GNS: variants seen among roughly 807,000 people sequenced by gnomAD.
The protein encoded by GNS is glucosamine (N-acetyl)-6-sulfatase.
Under a neutral mutation model 69.7 loss-of-function variants are expected in GNS, and 40 were observed. The ratio of observed to expected loss-of-function variants is 0.57; its 90% CI spans 0.45 to 0.75. The LOEUF (loss-of-function observed/expected upper bound fraction) is 0.75, where lower values mean the gene tolerates loss of function less well. GNS is among the 30% of genes least tolerant of loss of function. The probability of loss-of-function intolerance (pLI) is 0.00; values close to 1 mark genes in which losing one functional copy is unlikely to be tolerated. For missense variants in GNS, 565 were observed against 685.5 expected, an observed-to-expected ratio of 0.82 and a Z score of 1.96; for synonymous variants, 243 against 251.6, an observed-to-expected ratio of 0.97 and a Z score of 0.32.
chr12:64,725,747 A>G (rs947375904), intron 10 of GNS, among the ~76,000 whole-genome samples: 4 of 152,110 alleles, frequency 2.6e-5, no homozygotes, highest in African/African-American at 9.7e-5. Context: ...CTGTAATCCC[A>G]GCACTTTAGG....
chr12:64,731,440 A>G (rs1869386977), intron 9 of GNS, among the ~76,000 whole-genome samples: 2 of 152,106 alleles, frequency 1.3e-5, no homozygotes, highest in Non-Finnish European at 1.5e-5. Flanking sequence ...TATAAATCCA[A>G]AGTCACTAAG....
intron 2 of GNS, among the ~76,000 whole-genome samples, chr12:64,749,504 G>A (rs927617444): frequency 1.3e-5 from 2 of 152,032 alleles, no homozygotes; most frequent in African/African-American, 4.8e-5. Context: ...CACCCGCCTT[G>A]GCCTCCCAAA....
chr12:64,714,337 G>T lies in GNS; in HGVS notation c.*2404C>A, dbSNP rs549541581. ...ACATGGACCTCACCTTCTTAACATG[G>T]AAAATCAAAATCTAAATGAATACAA... is the stretch of plus-strand genomic sequence containing the variant. On this transcript the variant is annotated 3_prime_UTR_variant, in exon 14 of 14. Coordinates refer to ENST00000258145, the MANE Select transcript of GNS (RefSeq NM_002076.4). 6.6e-6 allele frequency: 1 copy of T among 152,224 alleles called. No homozygotes were observed. Among genetic ancestry groups the T allele is most frequent in the African/African-American group, 2.4e-5 (1 of 41,524 alleles). The allele number at this position is 152,224 out of a possible 1,614,324, so 9.4% of individuals were successfully genotyped here. A position where few individuals can be genotyped will look rare whatever the true frequency, so the allele number is the denominator to read the frequency against.
Position 64,716,710 on chromosome 12 carries a change from G to C in GNS, c.*31C>G. 1 of 1,349,958 alleles carries C rather than the reference G, an allele frequency of 7.4e-7. No individual in the cohort carries two copies. The highest frequency in any genetic ancestry group is 1.1e-6 in the Non-Finnish European group (1 of 939,178). 83.6% of individuals were successfully genotyped at this position (1,349,958 alleles called of 1,614,324 possible). ...TCACTTCATCAGAAAGAGGCGTGCA[G>C]GGATCCATCTGCAGAGGCTGTGTGA... On this transcript the variant is annotated 3_prime_UTR_variant, in exon 14 of 14. Coordinates refer to ENST00000258145, the MANE Select transcript of GNS (RefSeq NM_002076.4).
At chr12:64,732,458 G>A (rs1217034323) in intron 9 of GNS, among the ~76,000 whole-genome samples, 8 of 146,670 alleles carry the variant, frequency 5.5e-5, no homozygotes, top group Non-Finnish European at 1.1e-4. Flanking sequence ...GTGAACCACC[G>A]CGCCCAGCCT....
rs962884290 is a variant in GNS at position 64,713,785 on chromosome 12, C to T, written c.*2956G>A. 6.6e-6 allele frequency: 1 copy of T among 152,208 alleles called. No individual in the cohort carries two copies. Among genetic ancestry groups the T allele is most frequent in the Non-Finnish European group, 1.5e-5 (1 of 68,038 alleles). 9.4% of individuals were successfully genotyped at this position (152,208 alleles called of 1,614,324 possible). A position where few individuals can be genotyped will look rare whatever the true frequency, so the allele number is the denominator to read the frequency against. On this transcript the variant is annotated 3_prime_UTR_variant, in exon 14 of 14. Transcript: ENST00000258145. ...ACACTTCTCACAGAATAAGGTAAAA[C>T]TTCCATGGCTATCATTACTATTTTG...
Position 64,747,785 on chromosome 12 carries a change from G to A in GNS, c.386C>T (p.Pro129Leu). The A allele has an allele frequency of 1.2e-6, 2 of 1,612,670 alleles. No individual in the cohort carries two copies. Among genetic ancestry groups the A allele is most frequent in the Middle Eastern group, 3.3e-4 (2 of 6,060 alleles). The part of the protein sequence containing the change: ...SSKSWQKIQE[P>L]NTFPAILRSM... ...TCTGAGAATTGCTGGGAAAGTATTT[G>A]GTTCTTGGATCTTCTGCCAGGACTT... Residue 129 changes from proline to leucine, a missense_variant, in exon 3 of 14, where the codon CCA becomes CTA. Pro to Leu is a moderately conservative substitution (Grantham distance 98). This residue lies in a region of GNS where 181 missense variants were observed against 174.4 expected (regional missense o/e 1.04). Coordinates refer to ENST00000258145, the MANE Select transcript of GNS (RefSeq NM_002076.4).
intron 9 of GNS, among the ~76,000 whole-genome samples, chr12:64,732,597 A>G (rs1337253269): frequency 6.6e-6 from 1 of 151,232 alleles, no homozygotes; most frequent in East Asian, 1.9e-4. Context: ...AGTAACTGGG[A>G]CTATAGGCGC....
At chr12:64,722,770 G>A (rs1869073595) in intron 11 of GNS, 1 of 506,550 alleles carries the variant, frequency 2.0e-6, no homozygotes, top group Admixed American at 3.2e-5. Context: ...GAACACGGGT[G>A]GATACATGCA....
intron 13 of GNS, among the ~76,000 whole-genome samples, chr12:64,717,231 G>T (rs1868889794): frequency 6.6e-6 from 1 of 152,154 alleles, no homozygotes; most frequent in South Asian, 2.1e-4. Flanking sequence ...CCAAAGAGAA[G>T]CCATAAAGTG....
chr12:64,740,295 G>A (rs1490363448), intron 7 of GNS, among the ~76,000 whole-genome samples: 2 of 152,102 alleles, frequency 1.3e-5, no homozygotes, highest in South Asian at 2.1e-4. Flanking sequence ...TATGACAATG[G>A]GCTCTCTCAA....
At chr12:64,756,459 C>G (rs1229721373) in intron 1 of GNS, among the ~76,000 whole-genome samples, 3 of 152,148 alleles carry the variant, frequency 2.0e-5, no homozygotes, top group Admixed American at 2.0e-4. Context: ...GGAATGAAAT[C>G]TGATTATTAT....
chr12:64,741,960 C>T (rs995501307), intron 6 of GNS, among the ~76,000 whole-genome samples: 3 of 152,076 alleles, frequency 2.0e-5, no homozygotes, highest in African/African-American at 4.8e-5. Flanking sequence ...GATTGAGAAT[C>T]GTCCTATTTT....
In GNS at chr12:64,759,103, G is replaced by A. The variant is rs774743674; in HGVS notation, c.174C>T (p.Asp58=). ...GAGTTACCATGCCGCCGAGCACTTC[G>A]TCCTGGTCGTCCGTGAGGAGCAGCA... ...NVVLLLTDDQ[D]EVLGGMTPLK... The change falls in exon 1 of 14, where the codon GAC becomes GAT. Residue 58 remains aspartate (D), a synonymous_variant. Transcript: ENST00000258145. 1.7e-5 allele frequency: 27 copies of A among 1,563,038 alleles called. 1 individual carries two copies. In the South Asian group the frequency reaches 2.7e-4, roughly 16 times the overall value.
At chr12:64,751,416 T>C (rs564628227) in intron 2 of GNS, among the ~76,000 whole-genome samples, 1 of 152,214 alleles carries the variant, frequency 6.6e-6, no homozygotes, top group South Asian at 2.1e-4. Flanking sequence ...CTTATTTCCA[T>C]AAGACTTATG....
rs551638399 is a variant in GNS at position 64,714,552 on chromosome 12, C to A, written c.*2189G>T. 10 of 152,114 alleles carry A rather than the reference C, an allele frequency of 6.6e-5. No homozygotes were observed. Among genetic ancestry groups the A allele is most frequent in the Admixed American group, 2.0e-4 (3 of 15,272 alleles). The allele number at this position is 152,114 out of a possible 1,614,324, so 9.4% of individuals were successfully genotyped here. On this transcript the variant is annotated 3_prime_UTR_variant, in exon 14 of 14. Coordinates refer to ENST00000258145, the MANE Select transcript of GNS (RefSeq NM_002076.4). ...TTTGAAGGTTAGATAGGAAATATAC[C>A]AAAAATAGAAGAGCGTAGAGAGGGC...
chr12:64,744,235 T>C (rs1465212512), intron 5 of GNS, among the ~76,000 whole-genome samples: 2 of 152,236 alleles, frequency 1.3e-5, no homozygotes, highest in East Asian at 3.8e-4. Context: ...GTAAATAAAA[T>C]TAACTTCCAC....
At chr12:64,745,504 G>C (rs1869872140) in intron 4 of GNS, among the ~76,000 whole-genome samples, 155 bp downstream of exon 4, 1 of 152,006 alleles carries the variant, frequency 6.6e-6, no homozygotes, top group South Asian at 2.1e-4. Flanking sequence ...CTAGGCGTGA[G>C]CCACTACACC....
intron 3 of GNS, chr12:64,746,212 T>TCCACACAGCCTACC (rs58549054): frequency 5.1e-6 from 1 of 197,082 alleles, no homozygotes. Flanking sequence ...ACAGAAAAAG[T>TCCACACAGCCTACC]CCACACAGCC....
Sources: gnomAD v4.1 joint callset for allele counts (sites outside exome capture counted in the v4.1 genomes callset) on GRCh38, gnomAD v4.1.1 for gene constraint, gnomAD v4.1.1 regional missense constraint, MANE v1.5 for transcripts, NCBI Gene and HGNC (gene_info 2026-07-23, HGNC 2026-07-21) for gene names.